TICRR: variants seen among roughly 807,000 people sequenced by gnomAD.
TICRR encodes the protein treslin.
A neutral mutation model predicts 178.1 loss-of-function variants in TICRR; 132 were observed. The observed-to-expected ratio is 0.74, with a 90% CI of 0.64 to 0.86. TICRR has a LOEUF of 0.86. Ranked by LOEUF, TICRR falls within the 40% of genes least tolerant of loss-of-function variation. The probability of loss-of-function intolerance (pLI) is 0.00; values close to 1 mark genes in which losing one functional copy is unlikely to be tolerated. For synonymous variants in TICRR, 991 were observed against 900.7 expected (o/e 1.10, Z -1.79); for missense variants, 2,587 against 2,334.3 (o/e 1.11, Z -2.23).
chr15:89,620,587 C>T (rs546670155), intron 18 of TICRR, among the ~76,000 whole-genome samples: 2 of 152,156 alleles, frequency 1.3e-5, no homozygotes, highest in East Asian at 1.9e-4. Flanking sequence ...GTTAATATGC[C>T]GTCTTACTAA....
In TICRR at chr15:89,627,650, T is replaced by C; in HGVS notation, c.*564T>C. 1 of 153,754 alleles carries C rather than the reference T, an allele frequency of 6.5e-6. No individual in the cohort carries two copies. The highest frequency in any genetic ancestry group is 1.4e-5 in the Non-Finnish European group (1 of 69,094). 9.5% of individuals were successfully genotyped at this position (153,754 alleles called of 1,614,324 possible). A position where few individuals can be genotyped will look rare whatever the true frequency, so the allele number is the denominator to read the frequency against. ...TTGGGCCTGAGGTTAACTGTGACCA[T>C]GGTCCAGCTTGAGTGGCTTCTGGAG... On this transcript the variant is annotated 3_prime_UTR_variant, in exon 22 of 22. Coordinates refer to ENST00000268138, the MANE Select transcript of TICRR (RefSeq NM_152259.4).
In TICRR at chr15:89,575,778, CTT is replaced by C; in HGVS notation, c.193_194del (p.Phe65ProfsTer12). 1 of 1,608,662 alleles carries C rather than the reference CTT, an allele frequency of 6.2e-7. No individual in the cohort carries two copies. The highest frequency in any genetic ancestry group is 8.5e-7 in the Non-Finnish European group (1 of 1,178,538). On this transcript the variant is annotated frameshift_variant, in exon 1 of 22. Coordinates refer to ENST00000268138, the MANE Select transcript of TICRR (RefSeq NM_152259.4). LOFTEE classifies it high-confidence loss of function. ...ARSRPSRVSDFRELGSRSWED... is the reference protein window; with the variant it reads ...ARSRPSRVSDXRELGSRSWED... ...GGAGCCGGCCGTCCCGCGTGTCTGA[CTT>C]CCGCGAGCTGGGGTCCCGCTCGTGG...
At position 89,627,068 on chromosome 15, in the gene TICRR, C is replaced by CTGGCT; in HGVS notation, c.5716_5720dup (p.Glu1908GlyfsTer11). 6.2e-7 allele frequency: 1 copy of CTGGCT among 1,614,108 alleles called. No homozygotes were observed. The highest frequency in any genetic ancestry group is 8.5e-7 in the Non-Finnish European group (1 of 1,180,052). ...ATACACGGAAGAAGCTCATGGGAAC[C>CTGGCT]TGGCTGGAGGACTTATAGCCACAAA... On this transcript the variant is annotated frameshift_variant, in exon 22 of 22. Coordinates refer to ENST00000268138, the MANE Select transcript of TICRR (RefSeq NM_152259.4). LOFTEE classifies it high-confidence loss of function.
intron 15 of TICRR, among the ~76,000 whole-genome samples, chr15:89,615,714 A>C (rs1222161395): frequency 6.6e-6 from 1 of 152,142 alleles, no homozygotes; most frequent in East Asian, 1.9e-4. Context: ...CTACTAAGAA[A>C]TTTTATGCCA....
intron 18 of TICRR, among the ~76,000 whole-genome samples, 184 bp downstream of exon 18, chr15:89,620,026 T>G (rs1963399243): frequency 6.6e-6 from 1 of 152,198 alleles, no homozygotes; most frequent in Non-Finnish European, 1.5e-5. Context: ...CAGTCATCCC[T>G]AGGACTCCTA....
At chr15:89,578,288 A>C (rs1314554724) in intron 1 of TICRR, among the ~76,000 whole-genome samples, 1 of 152,244 alleles carries the variant, frequency 6.6e-6, no homozygotes, top group Admixed American at 6.5e-5. Flanking sequence ...ATGAGCAAGC[A>C]TTTAAATAAT....
intron 1 of TICRR, 72 bp downstream of exon 1, chr15:89,576,312 C>T: frequency 2.2e-6 from 3 of 1,388,470 alleles, no homozygotes; most frequent in Non-Finnish European, 2.9e-6. Context: ...TGGCAGCGTC[C>T]TTAGAACAGC....
chr15:89,601,469 C>T lies in TICRR; in HGVS notation c.2248-20C>T, dbSNP rs746275161. 5.0e-6 allele frequency: 8 copies of T among 1,613,600 alleles called. No homozygotes were observed. The highest frequency in any genetic ancestry group is 1.7e-5 in the Admixed American group (1 of 59,998). On this transcript the variant is annotated intron_variant, in intron 10 of 21. Transcript: ENST00000268138. ...CCTGCAGAGGGCATCTATATAGTAA[C>T]GTTCTAAAATCTCCTTCAGGTGACA...
chr15:89,599,287 G>C, intron 7 of TICRR, 37 bp from the exon 8 acceptor site: 1 of 1,541,088 alleles, frequency 6.5e-7, no homozygotes, highest in Non-Finnish European at 8.8e-7. Flanking sequence ...ACTTGAGCAA[G>C]ATATGATTAA....
Position 89,624,875 on chromosome 15 carries a change from C to G in TICRR, c.4565C>G (p.Ser1522Cys). The part of the protein sequence containing the change: ...SCGPGSPLMP[S>C]RDVHCTTDGR... The stretch of plus-strand genomic sequence containing the variant: ...GGGCCTGGCTCTCCTCTGATGCCTT[C>G]CCGTGACGTGCACTGTACCACAGAT... The change falls in exon 20 of 22, where the codon TCC becomes TGC. Residue 1522 changes from serine to cysteine, a missense_variant. By Grantham distance (112) the Ser-to-Cys change is moderately radical (BLOSUM62 -1). Coordinates refer to ENST00000268138, the MANE Select transcript of TICRR (RefSeq NM_152259.4). 6.2e-7 allele frequency: 1 copy of G among 1,613,986 alleles called. No homozygotes were observed. The highest frequency in any genetic ancestry group is 8.5e-7 in the Non-Finnish European group (1 of 1,179,880).
chr15:89,582,440 AT>A, intron 1 of TICRR: 1 of 448,150 alleles, frequency 2.2e-6, no homozygotes, highest in East Asian at 3.8e-5. Flanking sequence ...TTGACAAAAA[AT>A]ATAAATGAGG....
rs767065833 is a variant in TICRR at position 89,595,484 on chromosome 15, C to T, written c.1773C>T (p.Ala591=). Residue 591 remains alanine, a synonymous_variant, in exon 7 of 22, where the codon GCC becomes GCT. Transcript: ENST00000268138. ...ATGTCGCAAGGCTGAATGTGAAGGC[C>T]CAGAAGTTACATCCAGATGGCAGTC... ...MLNVARLNVK[A]QKLHPDGSPD... 1.9e-6 allele frequency: 3 copies of T among 1,613,998 alleles called. No homozygotes were observed. In the South Asian group the frequency reaches 3.3e-5, roughly 18 times the overall value.
Position 89,619,738 on chromosome 15 carries a change from A to C in TICRR, c.3050A>C (p.Lys1017Thr), listed in dbSNP as rs1963393606. 3 of 1,613,296 alleles carry C rather than the reference A, an allele frequency of 1.9e-6. No homozygotes were observed. Among genetic ancestry groups the C allele is most frequent in the African/African-American group, 1.3e-5 (1 of 74,892 alleles). The change falls in exon 18 of 22, where the codon AAG becomes ACG. Residue 1017 changes from lysine (K) to threonine (T), a missense_variant. Coordinates refer to ENST00000268138, the MANE Select transcript of TICRR (RefSeq NM_152259.4). The stretch of plus-strand genomic sequence containing the variant: ...AGTCTGAGACGAAGTCCTCGAATCA[A>C]GCAGTTGTCATTTAGCAGGACACAT... ...EISLRRSPRIKQLSFSRTHSA... is the reference protein window; with the variant it reads ...EISLRRSPRITQLSFSRTHSA...
At position 89,595,653 on chromosome 15, in the gene TICRR, T is replaced by G. The variant is rs191202853; in HGVS notation, c.1900+42T>G. On this transcript the variant is annotated intron_variant, in intron 7 of 21. Transcript: ENST00000268138. ...ATAATTTACTCTTTTATACCCCGCT[T>G]TTTTAAAAATAAAATTTAATCGTAC... is the stretch of plus-strand genomic sequence containing the variant. 84 of 1,466,566 alleles carry G rather than the reference T, an allele frequency of 5.7e-5. No homozygotes were observed. The Middle Eastern group carries it at 1.1e-3, about 20-fold the overall frequency. 90.8% of individuals were successfully genotyped at this position (1,466,566 alleles called of 1,614,324 possible). A position where few individuals can be genotyped will look rare whatever the true frequency, so the allele number is the denominator to read the frequency against.
In TICRR at chr15:89,624,299, T is replaced by TA. The variant is rs1963474278; in HGVS notation, c.3990dup (p.Glu1331ArgfsTer33). The TA allele has an allele frequency of 6.2e-7, 1 of 1,614,200 alleles. No homozygotes were observed. The highest frequency in any genetic ancestry group is 8.5e-7 in the Non-Finnish European group (1 of 1,180,036). ...AAGAGTCCATTTAGGAAATCTAAAA[T>TA]AGAGTGTCCTTCCCCAGGAGAACTG... On this transcript the variant is annotated frameshift_variant, in exon 20 of 22. Transcript: ENST00000268138. LOFTEE classifies it high-confidence loss of function.
At chr15:89,578,904 G>T (rs1962672245) in intron 1 of TICRR, among the ~76,000 whole-genome samples, 1 of 152,100 alleles carries the variant, frequency 6.6e-6, no homozygotes, top group Non-Finnish European at 1.5e-5. Context: ...GGAAGGTTTG[G>T]GCTGTGTCCT....
rs1396578529 is a variant in TICRR, at chr15:89,584,540, C to T, written c.1176+13C>T. On this transcript the variant is annotated intron_variant, in intron 3 of 21. Coordinates refer to ENST00000268138, the MANE Select transcript of TICRR (RefSeq NM_152259.4). Reference sequence around the variant, plus strand: ...AGAGTTACACCTGGTAGGTATCCTCCACACGGGAAGTTATTCTTGTCTAAC... The same window carrying T: ...AGAGTTACACCTGGTAGGTATCCTCTACACGGGAAGTTATTCTTGTCTAAC... 6.5e-7 allele frequency: 1 copy of T among 1,529,440 alleles called. No homozygotes were observed. Among genetic ancestry groups the T allele is most frequent in the African/African-American group, 1.4e-5 (1 of 72,074 alleles). 94.7% of individuals were successfully genotyped at this position (1,529,440 alleles called of 1,614,324 possible). A position where few individuals can be genotyped will look rare whatever the true frequency, so the allele number is the denominator to read the frequency against.
rs1462780075 is a variant in TICRR, at chr15:89,627,314, TATAACTC to T, written c.*230_*236del. 4 of 524,058 alleles carry T rather than the reference TATAACTC, an allele frequency of 7.6e-6. No homozygotes were observed. The Admixed American group carries it at 1.3e-4, about 18-fold the overall frequency. The allele number at this position is 524,058 out of a possible 1,614,324, so 32.5% of individuals were successfully genotyped here. A position where few individuals can be genotyped will look rare whatever the true frequency, so the allele number is the denominator to read the frequency against. ...AGGTGGATGGCAATGTGATTGGTGC[TATAACTC>T]AGGCAGCCTGGGAGTCAGGAACCCA... is the stretch of plus-strand genomic sequence containing the variant. On this transcript the variant is annotated 3_prime_UTR_variant, in exon 22 of 22. Transcript: ENST00000268138.
At chr15:89,594,306 A>T in intron 5 of TICRR, 109 bp from the exon 6 acceptor site, 1 of 899,980 alleles carries the variant, frequency 1.1e-6, no homozygotes, top group Non-Finnish European at 1.6e-6. Flanking sequence ...TCTTGTGGGG[A>T]CATCTTTTTG....
Sources: allele counts gnomAD v4.1 joint callset (sites outside exome capture counted in the v4.1 genomes callset), GRCh38; gene constraint gnomAD v4.1.1; transcripts MANE v1.5; gene names NCBI Gene and HGNC (gene_info 2026-07-23, HGNC 2026-07-21).